RAB13: variants seen among roughly 807,000 people sequenced by gnomAD.
The protein encoded by RAB13 is RAB13, member RAS oncogene family, also known as ras-related protein Rab-13.
Under a neutral mutation model 29.3 loss-of-function variants are expected in RAB13, and 15 were observed. That is an observed-to-expected ratio of 0.51 (90% CI 0.34 to 0.79). The LOEUF is 0.79. RAB13 is among the 30% of genes least tolerant of loss of function. RAB13 has a pLI of 0.01. For missense variants in RAB13, 186 were observed against 255.5 expected, an observed-to-expected ratio of 0.73 and a Z score of 1.85; for synonymous variants, 82 against 93.8, an observed-to-expected ratio of 0.87 and a Z score of 0.73.
chr1:153,987,996 AT>A (rs1265016359), upstream of RAB13, among the ~76,000 whole-genome samples: 1 of 151,454 alleles, frequency 6.6e-6, no homozygotes, highest in Admixed American at 6.6e-5. Context: ...TAATTAATTA[AT>A]TTTTTTGAGA....
At chr1:153,988,292 C>CTT (rs1649246321), upstream of RAB13, among the ~76,000 whole-genome samples, 1 of 118,456 alleles carries the variant, frequency 8.4e-6, no homozygotes, top group African/African-American at 3.2e-5. Context: ...ACGCCTGGCC[C>CTT]TATTTTTTTT....
intron 7 of RAB13, 37 bp from the exon 8 acceptor site, chr1:153,982,213 G>A (rs373352018): frequency 1.9e-6 from 3 of 1,582,574 alleles, no homozygotes; most frequent in Non-Finnish European, 2.6e-6. Context: ...TGGTGTGAAT[G>A]GATGGTTAGG....
At chr1:153,988,582 C>T (rs1308080234), upstream of RAB13, among the ~76,000 whole-genome samples, 1 of 149,408 alleles carries the variant, frequency 6.7e-6, no homozygotes, top group Non-Finnish European at 1.5e-5. Context: ...TAAGCCACCG[C>T]GCCCGGCCTA....
chr1:153,986,698 C>T (rs900624776), upstream of RAB13, among the ~76,000 whole-genome samples: 3 of 141,774 alleles, frequency 2.1e-5, no homozygotes, highest in Non-Finnish European at 4.7e-5. Context: ...AGGGAGAGCA[C>T]TAGAAATTGA....
chr1:153,987,785 A>C (rs1649225197), upstream of RAB13, among the ~76,000 whole-genome samples: 4 of 148,046 alleles, frequency 2.7e-5, no homozygotes, highest in East Asian at 2.0e-4. Context: ...AAAAAAAAAA[A>C]AAAAAAAAAA....
Position 153,986,330 on chromosome 1 carries a change from G to T in RAB13, c.-94C>A. On this transcript the variant is annotated 5_prime_UTR_variant, in exon 1 of 8. The change creates a new upstream start codon in the 5' untranslated region. Coordinates refer to ENST00000368575, the MANE Select transcript of RAB13 (RefSeq NM_002870.5). Reference sequence around the variant, plus strand: ...GGCAAACAGAGCGGCACGGAGCCCAGGCCAGGAAGAAGTTTTCCTCCCTCT... The same window carrying T: ...GGCAAACAGAGCGGCACGGAGCCCATGCCAGGAAGAAGTTTTCCTCCCTCT... The T allele has an allele frequency of 9.4e-7, 1 of 1,067,730 alleles. No individual in the cohort carries two copies. Among genetic ancestry groups the T allele is most frequent in the Non-Finnish European group, 1.4e-6 (1 of 725,460 alleles). 66.1% of individuals were successfully genotyped at this position (1,067,730 alleles called of 1,614,324 possible).
At position 153,984,793 on chromosome 1, in the gene RAB13, A is replaced by G. The variant is rs1449987548; in HGVS notation, c.125-12T>C. 2.5e-6 allele frequency: 4 copies of G among 1,610,728 alleles called. No individual in the cohort carries two copies. Among genetic ancestry groups the G allele is most frequent in the Non-Finnish European group, 3.4e-6 (4 of 1,178,236 alleles). Reference sequence around the variant, plus strand: ...CTTGAAATCAATTCCTAGGGGTGGAAGGTATGCACTGAAGTTGAGACATGC... The same window carrying G: ...CTTGAAATCAATTCCTAGGGGTGGAGGGTATGCACTGAAGTTGAGACATGC... On this transcript the variant is annotated splice_polypyrimidine_tract_variant and intron_variant, in intron 1 of 7. Transcript: ENST00000368575.
rs1649014146 is a variant in RAB13 at position 153,982,443 on chromosome 1, G to T, written c.482C>A (p.Ala161Asp). ...GATGTCCCGGGCCAGGGAACTAAAA[G>T]CCTAAAGTGGGGAACAGAGTCAGTT... ...SAKSSMNVDE[A>D]FSSLARDILL... Residue 161 changes from alanine (A) to aspartate (D), a missense_variant and splice_region_variant, in exon 7 of 8, where the codon GCT becomes GAT. Transcript: ENST00000368575. The T allele has an allele frequency of 3.7e-6, 6 of 1,613,788 alleles. No individual in the cohort carries two copies. Among genetic ancestry groups the T allele is most frequent in the Non-Finnish European group, 5.1e-6 (6 of 1,179,724 alleles).
chr1:153,983,309 A>G lies in RAB13; in HGVS notation c.247-13T>C. 6.2e-7 allele frequency: 1 copy of G among 1,610,944 alleles called. No individual in the cohort carries two copies. The highest frequency in any genetic ancestry group is 2.2e-5 in the East Asian group (1 of 44,874). Reference sequence around the variant, plus strand: ...CTAGGATAATGCCCTGGGAGATGACAAAATTCACCTTGGACCATGTTCCCA... The same window carrying G: ...CTAGGATAATGCCCTGGGAGATGACGAAATTCACCTTGGACCATGTTCCCA... On this transcript the variant is annotated splice_polypyrimidine_tract_variant and intron_variant, in intron 3 of 7. Transcript: ENST00000368575.
intron 2 of RAB13, among the ~76,000 whole-genome samples, chr1:153,983,832 C>T (rs1447565312): frequency 6.6e-6 from 1 of 152,128 alleles, no homozygotes; most frequent in Non-Finnish European, 1.5e-5. Context: ...ATCATTTTAT[C>T]TAATCCTTAC....
chr1:153,985,920 G>C (rs1438983122), intron 1 of RAB13, 193 bp downstream of exon 1: 1 of 876,244 alleles, frequency 1.1e-6, no homozygotes. Context: ...GTTACCTGAA[G>C]GCCTCAGAGA....
upstream of RAB13, among the ~76,000 whole-genome samples, chr1:153,990,152 G>T (rs1291304559): frequency 6.8e-6 from 1 of 146,750 alleles, no homozygotes. Flanking sequence ...CTGTACTTCC[G>T]CCTCCCAGGT....
chr1:153,990,247 G>A (rs1643125209), upstream of RAB13, among the ~76,000 whole-genome samples: 1 of 152,148 alleles, frequency 6.6e-6, no homozygotes, highest in Non-Finnish European at 1.5e-5. Flanking sequence ...CGTATTTTTA[G>A]TAGAGACGGG....
rs1198625550 is a variant in RAB13, at chr1:153,982,316, CACACACACACACACACACATACAT to C, written c.534+51_534+74del. ...TTATCAACACCAACACACACACACA[CACACACACACACACACACATACAT>C]ACACACACACACACCCCAGAGTTGT... On this transcript the variant is annotated intron_variant, in intron 7 of 7. Transcript: ENST00000368575. 1.4e-5 allele frequency: 21 copies of C among 1,479,456 alleles called. No homozygotes were observed. The African/African-American group carries it at 2.6e-4, about 18-fold the overall frequency. The allele number at this position is 1,479,456 out of a possible 1,614,324, so 91.6% of individuals were successfully genotyped here.
upstream of RAB13, chr1:153,990,684 C>G (rs1649333503): frequency 6.9e-7 from 1 of 1,444,632 alleles, no homozygotes; most frequent in Non-Finnish European, 9.7e-7. Context: ...GTAAGACGTT[C>G]CAAACATGGT....
At chr1:153,990,691 T>C, upstream of RAB13, 1 of 1,480,600 alleles carries the variant, frequency 6.8e-7, no homozygotes, top group Non-Finnish European at 9.4e-7. Context: ...GTTCCAAACA[T>C]GGTGGCACAA....
rs745899854 is a variant in RAB13, at chr1:153,983,588, AAGG to A, written c.186-10_186-8del. On this transcript the variant is annotated splice_polypyrimidine_tract_variant and splice_region_variant and intron_variant, in intron 2 of 7. Coordinates refer to ENST00000368575, the MANE Select transcript of RAB13 (RefSeq NM_002870.5). Reference sequence around the variant, plus strand: ...CTCTTGGCCAGCCGTGTCCCTAAAGAAGGAGAAGTTTTCATGGGATGGAATAGA... The same window carrying A: ...CTCTTGGCCAGCCGTGTCCCTAAAGAAGAAGTTTTCATGGGATGGAATAGA... 5.9e-5 allele frequency: 94 copies of A among 1,600,754 alleles called. No individual in the cohort carries two copies. Among genetic ancestry groups the A allele is most frequent in the Middle Eastern group, 1.6e-4 (1 of 6,070 alleles).
intron 1 of RAB13, chr1:153,985,086 T>C (rs960849114): frequency 4.5e-6 from 5 of 1,103,940 alleles, no homozygotes; most frequent in Non-Finnish European, 5.5e-6. Flanking sequence ...AGCTGACAAC[T>C]CTCTGAATTC....
At chr1:153,987,693 A>G (rs1649219440), upstream of RAB13, among the ~76,000 whole-genome samples, 1 of 146,546 alleles carries the variant, frequency 6.8e-6, no homozygotes, top group South Asian at 2.1e-4. Context: ...TAATCCCAGC[A>G]CTTTGGGAGG....
Sources: allele counts gnomAD v4.1 joint callset (sites outside exome capture counted in the v4.1 genomes callset), GRCh38; gene constraint gnomAD v4.1.1; transcripts MANE v1.5; gene names NCBI Gene and HGNC (gene_info 2026-07-23, HGNC 2026-07-21).